Variants in ABHD2 observed in about 807,000 individuals in gnomAD.
The protein encoded by ABHD2 is monoacylglycerol lipase ABHD2.
In ABHD2, 20 loss-of-function variants were observed where a neutral mutation model predicts 48.1. The observed-to-expected ratio is 0.42, with a 90% CI of 0.29 to 0.60. The LOEUF (loss-of-function observed/expected upper bound fraction) is 0.60. ABHD2 is among the 20% of genes least tolerant of loss of function. The pLI, the probability that ABHD2 is intolerant of heterozygous loss-of-function variation, is 0.24. For missense variants in ABHD2, 405 were observed against 550.9 expected (o/e 0.74, Z 2.65); for synonymous variants, 209 against 214.2 (o/e 0.98, Z 0.21).
Position 89,176,137 on chromosome 15 carries a change from G to A in ABHD2, c.722+142G>A. ...AGTTTCTGAGTCTTGGACTCACCTT[G>A]TTTTGTCTGCATATCATACATTGGA... On this transcript the variant is annotated intron_variant, in intron 6 of 10. Transcript: ENST00000352732. This position sits in a 1 kb window ranked among gnomAD's most constrained non-coding sequence, Gnocchi z 4.5. 1 of 901,058 alleles carries A rather than the reference G, an allele frequency of 1.1e-6. No individual in the cohort carries two copies. The highest frequency in any genetic ancestry group is 1.6e-6 in the Non-Finnish European group (1 of 616,556). 55.8% of individuals were successfully genotyped at this position (901,058 alleles called of 1,614,324 possible).
In ABHD2 at chr15:89,104,041, C is replaced by T. The variant is rs890762590; in HGVS notation, c.-106-9684C>T. On this transcript the variant is annotated intron_variant, in intron 1 of 10. Transcript: ENST00000352732. The surrounding 1 kb of genome is among the most constrained non-coding windows in gnomAD (Gnocchi z 4.4). ...AGATCCTGTTTCTACTCACAGCGTC[C>T]GAGGTATTTATAAAACAGAAATAAG... 1.3e-4 allele frequency: 20 copies of T among 152,186 alleles called. No homozygotes were observed. The highest frequency in any genetic ancestry group is 4.8e-4 in the African/African-American group (20 of 41,438). 9.4% of individuals were successfully genotyped at this position (152,186 alleles called of 1,614,324 possible). A position where few individuals can be genotyped will look rare whatever the true frequency, so the allele number is the denominator to read the frequency against.
At chr15:89,071,599 A>G in the ABHD2 span, among the ~76,000 whole-genome samples, 2 of 152,128 alleles carry the variant, frequency 1.3e-5, no homozygotes, top group Non-Finnish European at 1.5e-5. Context: ...CATTTAACCT[A>G]AAACAAATGG....
intron 3 of ABHD2, among the ~76,000 whole-genome samples, chr15:89,140,944 C>G (rs1053753647): frequency 6.6e-6 from 1 of 151,226 alleles, no homozygotes; most frequent in Non-Finnish European, 1.5e-5. Flanking sequence ...CAGGGCATAA[C>G]TTTATTATAG....
the ABHD2 span, among the ~76,000 whole-genome samples, chr15:89,050,033 T>G: frequency 6.6e-6 from 1 of 152,136 alleles, no homozygotes; most frequent in African/African-American, 2.4e-5. Flanking sequence ...TGGACTACAT[T>G]TTCATAGGTC....
intron 3 of ABHD2, among the ~76,000 whole-genome samples, chr15:89,141,350 G>A (rs1269456842): frequency 1.3e-5 from 2 of 152,114 alleles, no homozygotes; most frequent in African/African-American, 2.4e-5. Context: ...AAAACAGAAC[G>A]GCCAGGCACT....
intron 3 of ABHD2, among the ~76,000 whole-genome samples, chr15:89,124,383 C>G (rs2050100496): frequency 6.6e-6 from 1 of 152,214 alleles, no homozygotes; most frequent in Non-Finnish European, 1.5e-5. Context: ...AATGCAACTT[C>G]ACACACTCTC....
At chr15:89,095,922 C>T (rs2049606056) in intron 1 of ABHD2, among the ~76,000 whole-genome samples, 1 of 152,194 alleles carries the variant, frequency 6.6e-6, no homozygotes, top group African/African-American at 2.4e-5. Flanking sequence ...CAGTGCCTCC[C>T]CCGTTTGTAT....
the ABHD2 span, among the ~76,000 whole-genome samples, chr15:89,055,572 C>T: frequency 5.9e-5 from 9 of 152,002 alleles, no homozygotes; most frequent in Non-Finnish European, 4.4e-5. Context: ...GGACCACAAG[C>T]GATCCGCTGG....
intron 3 of ABHD2, among the ~76,000 whole-genome samples, chr15:89,135,238 C>G (rs2050287951): frequency 7.2e-6 from 1 of 138,304 alleles, no homozygotes; most frequent in Non-Finnish European, 1.5e-5. Flanking sequence ...GATGAAAAAA[C>G]TACCATCCCC....
rs900197680 is a variant in ABHD2 at position 89,168,965 on chromosome 15, G to C, written c.539-6847G>C. ...AAATTAGCTGGGTTTGGTGGCATGT[G>C]CCTATAGTCCCAGCTACTCAAGAGG... On this transcript the variant is annotated intron_variant, in intron 5 of 10. Coordinates refer to ENST00000352732, the MANE Select transcript of ABHD2 (RefSeq NM_152924.5). The surrounding 1 kb of genome is among the most constrained non-coding windows in gnomAD (Gnocchi z 4.8). Among the ~76,000 whole-genome samples, 8 of 152,120 alleles carry C rather than the reference G, an allele frequency of 5.3e-5. No homozygotes were observed. Among genetic ancestry groups the C allele is most frequent in the Non-Finnish European group, 8.8e-5 (6 of 68,026 alleles).
the ABHD2 span, among the ~76,000 whole-genome samples, chr15:89,045,553 G>C: frequency 1.3e-5 from 2 of 152,176 alleles, no homozygotes; most frequent in Admixed American, 6.5e-5. Context: ...TCTTCCATTT[G>C]TTTGTATCCT....
chr15:89,164,883 G>A lies in ABHD2; in HGVS notation c.538+9349G>A. On this transcript the variant is annotated intron_variant, in intron 5 of 10. Transcript: ENST00000352732. This position sits in a 1 kb window ranked among gnomAD's most constrained non-coding sequence, Gnocchi z 5.0. Reference sequence around the variant, plus strand: ...TTCATTGGCCCTTCACTCTAACTTTGTGTTTTCTGTGAGCCACCTTAGAGG... The same window carrying A: ...TTCATTGGCCCTTCACTCTAACTTTATGTTTTCTGTGAGCCACCTTAGAGG... Among the ~76,000 whole-genome samples the A allele has an allele frequency of 6.6e-6, 1 of 152,168 alleles. No homozygotes were observed. Among genetic ancestry groups the A allele is most frequent in the Non-Finnish European group, 1.5e-5 (1 of 68,028 alleles).
At chr15:89,086,523 T>G (rs1018060863), upstream of ABHD2, among the ~76,000 whole-genome samples, 2 of 152,150 alleles carry the variant, frequency 1.3e-5, no homozygotes, top group Non-Finnish European at 2.9e-5. Context: ...CAAACAACCC[T>G]CCTGCCTCAG....
chr15:89,072,521 C>A, the ABHD2 span, among the ~76,000 whole-genome samples: 7 of 114,080 alleles, frequency 6.1e-5, no homozygotes, highest in Admixed American at 4.8e-4. Context: ...GAAGGATGAG[C>A]AGGAGGGGGA....
At position 89,151,984 on chromosome 15, in the gene ABHD2, G is replaced by T; in HGVS notation, c.370+132G>T. The T allele has an allele frequency of 8.3e-7, 1 of 1,200,514 alleles. No homozygotes were observed. The highest frequency in any genetic ancestry group is 1.2e-6 in the Non-Finnish European group (1 of 867,594). The allele number at this position is 1,200,514 out of a possible 1,614,324, so 74.4% of individuals were successfully genotyped here. ...ATCAGGGGCTGTTGGGAAGCCTGCT[G>T]GGATTCGTCACTTAGGAGCAGCCTG... On this transcript the variant is annotated intron_variant, in intron 4 of 10. Transcript: ENST00000352732. This position sits in a 1 kb window ranked among gnomAD's most constrained non-coding sequence, Gnocchi z 4.7.
chr15:89,049,828 A>T, the ABHD2 span, among the ~76,000 whole-genome samples: 4 of 152,190 alleles, frequency 2.6e-5, no homozygotes, highest in Non-Finnish European at 4.4e-5. Flanking sequence ...CCTCAGATGG[A>T]AATGCAGAAA....
chr15:89,181,838 C>A (rs1304485793), intron 6 of ABHD2, among the ~76,000 whole-genome samples: 2 of 152,216 alleles, frequency 1.3e-5, no homozygotes, highest in South Asian at 2.1e-4. Context: ...TGGCTCAGCT[C>A]TTCCTTGCCC....
chr15:89,069,674 CTTTTTTT>C, the ABHD2 span, among the ~76,000 whole-genome samples: 8 of 52,900 alleles, frequency 1.5e-4, no homozygotes, highest in South Asian at 2.1e-3. Flanking sequence ...TTCATTTACT[CTTTTTTT>C]TTTTTTTTTT....
Position 89,127,706 on chromosome 15 carries a change from C to CATATATATATATATAT in ABHD2, c.194+11198_194+11199insTATATATATATATATA, listed in dbSNP as rs71464446. On this transcript the variant is annotated intron_variant, in intron 3 of 10. Transcript: ENST00000352732. The stretch of plus-strand genomic sequence containing the variant: ...TCTTCTCAGTGAATATATATATATA[C>CATATATATATATATAT]ATATATATATATACACATATATATA... Among the ~76,000 whole-genome samples the CATATATATATATATAT allele has an allele frequency of 4.6e-4, 60 of 129,872 alleles. 3 individuals carry two copies. The highest frequency in any genetic ancestry group is 1.5e-3 in the African/African-American group (42 of 27,920). The allele number at this position is 129,872 out of a possible 152,430, so 85.2% of individuals were successfully genotyped here. A position where few individuals can be genotyped will look rare whatever the true frequency, so the allele number is the denominator to read the frequency against.
Sources: allele counts gnomAD v4.1 joint callset (sites outside exome capture counted in the v4.1 genomes callset), GRCh38; gene constraint gnomAD v4.1.1; non-coding constraint Gnocchi (gnomAD v3.1); transcripts MANE v1.5; gene names NCBI Gene and HGNC (gene_info 2026-07-23, HGNC 2026-07-21).